RBFOX1: variants seen among roughly 807,000 people sequenced by gnomAD.
RBFOX1 encodes RNA binding protein fox-1 homolog 1.
Under a neutral mutation model 57.7 loss-of-function variants are expected in RBFOX1, and 8 were observed. The observed-to-expected ratio is 0.14, with a 90% CI of 0.08 to 0.25. The LOEUF (loss-of-function observed/expected upper bound fraction) is 0.25. RBFOX1 is among the 10% of genes least tolerant of loss of function. RBFOX1 has a pLI of 1.00. For synonymous variants in RBFOX1, 326 were observed against 222.4 expected, an observed-to-expected ratio of 1.47 and a Z score of -4.15; for missense variants, 611 against 548.5, an observed-to-expected ratio of 1.11 and a Z score of -1.14.
intron 3 of RBFOX1, among the ~76,000 whole-genome samples, chr16:5,671,880 C>G (rs985787567): frequency 2.6e-5 from 4 of 152,180 alleles, no homozygotes. Context: ...TGCCACCTAT[C>G]AGCCTTGCAG....
At chr16:7,537,772 G>A (rs779692678) in intron 5 of RBFOX1, among the ~76,000 whole-genome samples, 15 of 152,240 alleles carry the variant, frequency 9.9e-5, no homozygotes, top group Admixed American at 2.0e-4. Context: ...AGCAAACCCC[G>A]CCTCCACCCC....
At chr16:5,370,462 C>T (rs200353006) in intron 1 of RBFOX1, among the ~76,000 whole-genome samples, 9 of 141,196 alleles carry the variant, frequency 6.4e-5, no homozygotes, top group African/African-American at 7.8e-5. Flanking sequence ...GCCTCCTCCT[C>T]TTTTTTTTTT....
rs574881619 is a variant in RBFOX1, at chr16:7,331,036, T to A, written c.28-187111T>A. 1.3e-4 allele frequency among the ~76,000 whole-genome samples: 20 copies of A among 152,308 alleles called. No individual in the cohort carries two copies. The South Asian group carries it at 4.1e-3, about 32-fold the overall frequency. On this transcript the variant is annotated intron_variant, in intron 4 of 15. Coordinates refer to ENST00000550418, the MANE Select transcript of RBFOX1 (RefSeq NM_018723.4). ...TGTACAACGTGGCCACTTTGATGCATGAGAATCAATTACAGAGAAACCTTG... is the reference window on the plus strand; with the variant it reads ...TGTACAACGTGGCCACTTTGATGCAAGAGAATCAATTACAGAGAAACCTTG...
intron 3 of RBFOX1, among the ~76,000 whole-genome samples, chr16:5,782,259 G>C (rs965930134): frequency 7.2e-5 from 11 of 152,312 alleles, no homozygotes; most frequent in Admixed American, 6.5e-5. Context: ...CAAGATCAGG[G>C]TGTCAGCACG....
intron 4 of RBFOX1, among the ~76,000 whole-genome samples, chr16:7,436,411 C>T (rs1567159192): frequency 6.6e-6 from 1 of 152,134 alleles, no homozygotes; most frequent in Non-Finnish European, 1.5e-5. Context: ...ATTTCCTGTT[C>T]AAAGGTTGGG....
intron 3 of RBFOX1, among the ~76,000 whole-genome samples, chr16:6,939,237 G>A (rs572858326): frequency 1.3e-5 from 2 of 152,194 alleles, no homozygotes; most frequent in South Asian, 2.1e-4. Flanking sequence ...AACCATAAAG[G>A]TTTCCCCACT....
intron 4 of RBFOX1, among the ~76,000 whole-genome samples, chr16:7,137,263 C>T (rs984700408): frequency 6.6e-6 from 1 of 152,140 alleles, no homozygotes; most frequent in South Asian, 2.1e-4. Context: ...CCTATTCTGA[C>T]CAGCACAGGT....
At chr16:7,352,955 A>G (rs865863375) in intron 4 of RBFOX1, among the ~76,000 whole-genome samples, 1 of 152,076 alleles carries the variant, frequency 6.6e-6, no homozygotes, top group African/African-American at 2.4e-5. Flanking sequence ...GGCTTCAGTG[A>G]TCTGCTTGGC....
chr16:5,694,206 A>G (rs1412149797), intron 3 of RBFOX1, among the ~76,000 whole-genome samples: 1 of 152,196 alleles, frequency 6.6e-6, no homozygotes, highest in East Asian at 1.9e-4. Context: ...TAACTGGGGT[A>G]TGTGTGCAAG....
intron 4 of RBFOX1, among the ~76,000 whole-genome samples, chr16:7,444,391 A>T (rs1018588717): frequency 1.3e-5 from 2 of 152,204 alleles, no homozygotes; most frequent in Admixed American, 6.5e-5. Flanking sequence ...TGGGGCTTCA[A>T]TGAGGGATGT....
chr16:6,005,148 A>G (rs2060670328), intron 4 of RBFOX1, among the ~76,000 whole-genome samples: 1 of 152,190 alleles, frequency 6.6e-6, no homozygotes, highest in African/African-American at 2.4e-5. Context: ...ACAGTAATAG[A>G]TTTGCTGAGA....
intron 1 of RBFOX1, among the ~76,000 whole-genome samples, chr16:6,231,514 C>T (rs2097460164): frequency 6.6e-6 from 1 of 152,160 alleles, no homozygotes; most frequent in Admixed American, 6.5e-5. Flanking sequence ...TTTGGCTTCT[C>T]ATGTTGGCAT....
intron 4 of RBFOX1, among the ~76,000 whole-genome samples, chr16:7,195,850 G>C (rs564901396): frequency 2.0e-5 from 3 of 152,232 alleles, no homozygotes; most frequent in Non-Finnish European, 4.4e-5. Flanking sequence ...ACTGTGCCCA[G>C]CTCGATGCTC....
chr16:6,642,187 T>C (rs1034453278), intron 2 of RBFOX1, among the ~76,000 whole-genome samples: 1 of 152,204 alleles, frequency 6.6e-6, no homozygotes, highest in African/African-American at 2.4e-5. Context: ...TCGTACTTTC[T>C]CTTCGGTGCT....
At chr16:6,885,006 C>A (rs537683395) in intron 3 of RBFOX1, among the ~76,000 whole-genome samples, 1 of 152,284 alleles carries the variant, frequency 6.6e-6, no homozygotes, top group South Asian at 2.1e-4. Flanking sequence ...GTTTTCATTT[C>A]AATAATTACT....
At chr16:7,659,677 C>T (rs971625518) in intron 12 of RBFOX1, among the ~76,000 whole-genome samples, 26 of 152,190 alleles carry the variant, frequency 1.7e-4, no homozygotes, top group Admixed American at 1.3e-3. Context: ...TCCTGGGCCA[C>T]ATGCAGCATA....
At chr16:5,348,763 C>G (rs2065198178) in intron 1 of RBFOX1, among the ~76,000 whole-genome samples, 2 of 152,180 alleles carry the variant, frequency 1.3e-5, no homozygotes, top group Admixed American at 1.3e-4. Context: ...GTGAAAATTC[C>G]TATACCTGAT....
At chr16:6,772,203 C>A (rs115904963) in intron 3 of RBFOX1, among the ~76,000 whole-genome samples, 4 of 152,130 alleles carry the variant, frequency 2.6e-5, no homozygotes, top group African/African-American at 9.6e-5. Context: ...GTGAGCCTCC[C>A]AAGTAGAAGT....
intron 1 of RBFOX1, chr16:5,260,787 A>G (rs1047755698): frequency 3.3e-5 from 5 of 152,254 alleles, no homozygotes; most frequent in African/African-American, 9.6e-5. Flanking sequence ...TTCTCATGCC[A>G]GCTGTGTCTT....
Sources: gnomAD v4.1 joint callset for allele counts (sites outside exome capture counted in the v4.1 genomes callset) on GRCh38, gnomAD v4.1.1 for gene constraint, MANE v1.5 for transcripts, NCBI Gene and HGNC (gene_info 2026-07-23, HGNC 2026-07-21) for gene names.